The following FMN2 variants were observed in gnomAD, a reference collection of about 807,000 sequenced individuals.
FMN2 encodes formin 2.
FMN2 carries 51 observed loss-of-function variants against 142.3 expected under a neutral mutation model. The observed-to-expected ratio is 0.36, with a 90% confidence interval of 0.29 to 0.45. The LOEUF is 0.45. FMN2 is among the 20% of genes least tolerant of loss of function. The probability of loss-of-function intolerance (pLI) is 1.00; values close to 1 mark genes in which losing one functional copy is unlikely to be tolerated. For missense variants in FMN2, 1,936 were observed against 2,122.8 expected (o/e 0.91, Z 1.73); for synonymous variants, 882 against 869.8 (o/e 1.01, Z -0.25).
intron 13 of FMN2, among the ~76,000 whole-genome samples, chr1:240,344,492 A>C (rs1302903378): frequency 6.6e-6 from 1 of 152,118 alleles, no homozygotes; most frequent in Non-Finnish European, 1.5e-5. Context: ...TCCTTCCTCC[A>C]CACTAACATG....
intron 13 of FMN2, among the ~76,000 whole-genome samples, chr1:240,350,185 T>C (rs1269571502): frequency 6.6e-6 from 1 of 152,210 alleles, no homozygotes; most frequent in Non-Finnish European, 1.5e-5. Context: ...ACATTCTATT[T>C]TTACATTTAT....
At chr1:240,408,142 A>T (rs1020056476) in intron 15 of FMN2, among the ~76,000 whole-genome samples, 4 of 152,218 alleles carry the variant, frequency 2.6e-5, no homozygotes, top group African/African-American at 9.6e-5. Flanking sequence ...TGTAGTCTTG[A>T]CATTGTTAGC....
chr1:240,274,655 G>A (rs1187709512), intron 7 of FMN2, among the ~76,000 whole-genome samples: 2 of 149,004 alleles, frequency 1.3e-5, no homozygotes, highest in African/African-American at 5.2e-5. Context: ...AAGAAGGGAG[G>A]TAGGCAAGAA....
intron 15 of FMN2, among the ~76,000 whole-genome samples, chr1:240,418,233 T>C: frequency 6.7e-6 from 1 of 150,202 alleles, no homozygotes; most frequent in East Asian, 2.0e-4. Context: ...GGAGTCTCAC[T>C]CTGTCGCCCA....
At chr1:240,099,949 C>G (rs1661359191) in intron 1 of FMN2, among the ~76,000 whole-genome samples, 1 of 152,128 alleles carries the variant, frequency 6.6e-6, no homozygotes, top group African/African-American at 2.4e-5. Context: ...TCTTCCGTGC[C>G]TTGCTCTGTG....
At chr1:240,455,489 G>T (rs146686650) in intron 16 of FMN2, among the ~76,000 whole-genome samples, 128 of 152,236 alleles carry the variant, frequency 8.4e-4, no homozygotes, top group African/African-American at 3.0e-3. Context: ...AAGTCCCAAC[G>T]CAGTGACTAG....
chr1:240,403,292 G>C lies in FMN2; in HGVS notation c.4910+10730G>C, dbSNP rs201376666. Reference sequence around the variant, plus strand: ...CAGATTAAAACATTTAGTTTAAGATGTTTATATTTTTCTACAAGACATACA... The same window carrying C: ...CAGATTAAAACATTTAGTTTAAGATCTTTATATTTTTCTACAAGACATACA... On this transcript the variant is annotated intron_variant, in intron 15 of 17. Coordinates refer to ENST00000319653, the MANE Select transcript of FMN2 (RefSeq NM_020066.5). 2.0e-5 allele frequency among the ~76,000 whole-genome samples: 3 copies of C among 152,288 alleles called. No individual in the cohort carries two copies. In the East Asian group the frequency reaches 5.8e-4, roughly 29 times the overall value.
chr1:240,134,821 T>A (rs1662874910), intron 2 of FMN2, among the ~76,000 whole-genome samples: 1 of 152,222 alleles, frequency 6.6e-6, no homozygotes, highest in Admixed American at 6.5e-5. Context: ...TTAATTTTAC[T>A]GCTATAATTA....
chr1:240,108,353 A>G (rs1450623624), intron 1 of FMN2, among the ~76,000 whole-genome samples: 1 of 152,150 alleles, frequency 6.6e-6, no homozygotes, highest in Non-Finnish European at 1.5e-5. Flanking sequence ...TAGACATGGT[A>G]ATTTCTATTT....
chr1:240,451,266 G>A (rs1215367775), intron 16 of FMN2, among the ~76,000 whole-genome samples: 2 of 151,246 alleles, frequency 1.3e-5, no homozygotes, highest in African/African-American at 2.4e-5. Flanking sequence ...GGCTGAGGCA[G>A]GGGAATCACT....
chr1:240,250,208 T>C (rs533404486), intron 6 of FMN2, among the ~76,000 whole-genome samples: 1 of 152,294 alleles, frequency 6.6e-6, no homozygotes, highest in South Asian at 2.1e-4. Flanking sequence ...CCCCATTCAG[T>C]ATGATGTTAG....
At chr1:240,426,766 T>C (rs1674948862) in intron 15 of FMN2, among the ~76,000 whole-genome samples, 1 of 152,178 alleles carries the variant, frequency 6.6e-6, no homozygotes, top group African/African-American at 2.4e-5. Context: ...GATGCAGTCT[T>C]GCTCTGTCAC....
In FMN2 at chr1:240,230,047, G is replaced by T. The variant is rs1667485838; in HGVS notation, c.4065+18812G>T. ...TTTATAGAAGAGAGGCCGGCGCAGTGGTTCATGCCTATAATCCCAGCCTTT... is the reference window on the plus strand; with the variant it reads ...TTTATAGAAGAGAGGCCGGCGCAGTTGTTCATGCCTATAATCCCAGCCTTT... On this transcript the variant is annotated intron_variant, in intron 6 of 17. Coordinates refer to ENST00000319653, the MANE Select transcript of FMN2 (RefSeq NM_020066.5). Among the ~76,000 whole-genome samples the T allele has an allele frequency of 1.5e-5, 2 of 131,676 alleles. 1 individual carries two copies. The highest frequency in any genetic ancestry group is 1.4e-4 in the Admixed American group (2 of 13,824). 86.4% of individuals were successfully genotyped at this position (131,676 alleles called of 152,430 possible). A position where few individuals can be genotyped will look rare whatever the true frequency, so the allele number is the denominator to read the frequency against.
intron 15 of FMN2, among the ~76,000 whole-genome samples, chr1:240,422,183 G>T (rs1185393349): frequency 1.3e-5 from 2 of 152,160 alleles, no homozygotes; most frequent in Non-Finnish European, 2.9e-5. Flanking sequence ...AAGTCAGATA[G>T]TATCAGTCCT....
At chr1:240,218,468 G>C (rs1341336181) in intron 6 of FMN2, among the ~76,000 whole-genome samples, 4 of 152,002 alleles carry the variant, frequency 2.6e-5, no homozygotes, top group Admixed American at 6.6e-5. Context: ...CCACCTACAA[G>C]GTGGGCTGTT....
At chr1:240,108,540 A>G (rs564919771) in intron 1 of FMN2, among the ~76,000 whole-genome samples, 4 of 152,284 alleles carry the variant, frequency 2.6e-5, no homozygotes, top group South Asian at 4.1e-4. Flanking sequence ...TAATATTTCA[A>G]TTGATAGATA....
intron 2 of FMN2, among the ~76,000 whole-genome samples, chr1:240,137,938 A>C (rs1663015859): frequency 6.6e-6 from 1 of 151,788 alleles, no homozygotes; most frequent in African/African-American, 2.4e-5. Context: ...ACAAATACAA[A>C]AATTAGCCGG....
At chr1:240,381,016 T>C (rs990086628) in intron 14 of FMN2, among the ~76,000 whole-genome samples, 13 of 152,074 alleles carry the variant, frequency 8.5e-5, no homozygotes, top group Non-Finnish European at 1.6e-4. Flanking sequence ...AGTAATTTTT[T>C]TAAAAAAATC....
intron 15 of FMN2, among the ~76,000 whole-genome samples, chr1:240,401,682 A>G (rs1673995538): frequency 6.6e-6 from 1 of 152,222 alleles, no homozygotes; most frequent in South Asian, 2.1e-4. Context: ...AGATGCCTTA[A>G]GGATCAAAGA....
Sources: gnomAD v4.1 joint callset for allele counts (sites outside exome capture counted in the v4.1 genomes callset) on GRCh38, gnomAD v4.1.1 for gene constraint, MANE v1.5 for transcripts, NCBI Gene and HGNC (gene_info 2026-07-23, HGNC 2026-07-21) for gene names.